Variants in CDH18 observed in about 807,000 individuals in gnomAD.
CDH18 encodes the protein cadherin-18.
CDH18 carries 31 observed loss-of-function variants against 67.9 expected under a neutral mutation model. That is an observed-to-expected ratio of 0.46 (90% CI 0.34 to 0.62). CDH18 has a LOEUF of 0.62. Ranked by LOEUF, CDH18 falls within the 20% of genes least tolerant of loss-of-function variation. The pLI is 0.01. For synonymous variants in CDH18, 362 were observed against 347.2 expected (o/e 1.04, Z -0.48); for missense variants, 890 against 975.5 (o/e 0.91, Z 1.17).
intron 1 of CDH18, among the ~76,000 whole-genome samples, chr5:20,336,566 CAA>C (rs1329508119): frequency 6.0e-5 from 9 of 151,040 alleles, no homozygotes; most frequent in African/African-American, 2.2e-4. Context: ...ACTAAAAATA[CAA>C]AAAAATTAGC....
intron 3 of CDH18, among the ~76,000 whole-genome samples, chr5:19,804,950 G>T (rs865898719): frequency 2.8e-5 from 3 of 106,892 alleles, no homozygotes; most frequent in South Asian, 2.7e-4. Flanking sequence ...TTATTATTAT[G>T]ATTTTTTTTT....
chr5:19,816,061 T>C (rs945721391), intron 3 of CDH18, among the ~76,000 whole-genome samples: 1 of 151,946 alleles, frequency 6.6e-6, no homozygotes, highest in Non-Finnish European at 1.5e-5. Context: ...GTCATTCTTT[T>C]GTTTATTCAG....
intron 2 of CDH18, among the ~76,000 whole-genome samples, chr5:20,014,893 C>A (rs1269636294): frequency 6.6e-6 from 1 of 152,048 alleles, no homozygotes; most frequent in Non-Finnish European, 1.5e-5. Flanking sequence ...AGATACTTGT[C>A]TAAATTCTGA....
At chr5:19,589,879 T>C (rs557127150) in intron 7 of CDH18, among the ~76,000 whole-genome samples, 1 of 152,222 alleles carries the variant, frequency 6.6e-6, no homozygotes, top group African/African-American at 2.4e-5. Context: ...TATATCTAAT[T>C]TACTCCTAGG....
intron 2 of CDH18, among the ~76,000 whole-genome samples, chr5:19,869,730 T>A (rs1382797300): frequency 6.6e-6 from 1 of 152,078 alleles, no homozygotes. Flanking sequence ...TATTAGACAA[T>A]GCTATATTTA....
intron 1 of CDH18, among the ~76,000 whole-genome samples, chr5:20,489,226 T>A (rs887847575): frequency 1.3e-5 from 2 of 151,954 alleles, no homozygotes; most frequent in African/African-American, 4.8e-5. Flanking sequence ...AGAAAACAGA[T>A]CTCTCCACTC....
At chr5:20,229,751 T>C (rs1186664599) in intron 2 of CDH18, among the ~76,000 whole-genome samples, 1 of 152,094 alleles carries the variant, frequency 6.6e-6, no homozygotes, top group Non-Finnish European at 1.5e-5. Flanking sequence ...TCTTTTTTCT[T>C]CCTTAGCTAT....
At chr5:19,770,743 A>C (rs1773642790) in intron 3 of CDH18, among the ~76,000 whole-genome samples, 1 of 152,194 alleles carries the variant, frequency 6.6e-6, no homozygotes, top group Admixed American at 6.5e-5. Context: ...TCTCTGGCTG[A>C]ATTTCAGAAT....
At chr5:19,896,461 C>T (rs1789349861) in intron 2 of CDH18, among the ~76,000 whole-genome samples, 1 of 152,098 alleles carries the variant, frequency 6.6e-6, no homozygotes, top group South Asian at 2.1e-4. Context: ...GCTAGGTACA[C>T]ACATAAAAGA....
At chr5:19,782,327 G>T (rs568295432) in intron 3 of CDH18, among the ~76,000 whole-genome samples, 1 of 152,078 alleles carries the variant, frequency 6.6e-6, no homozygotes, top group East Asian at 1.9e-4. Flanking sequence ...GAGCATGGGA[G>T]AAAACAGCCC....
At chr5:19,772,364 G>A (rs1261743726) in intron 3 of CDH18, among the ~76,000 whole-genome samples, 2 of 152,094 alleles carry the variant, frequency 1.3e-5, no homozygotes, top group Non-Finnish European at 2.9e-5. Context: ...AAGAGAAAAG[G>A]GGAGGCAGGA....
At chr5:19,501,491 G>A (rs150091275) in intron 11 of CDH18, among the ~76,000 whole-genome samples, 37 of 137,572 alleles carry the variant, frequency 2.7e-4, no homozygotes, top group Non-Finnish European at 5.5e-4. Flanking sequence ...CATGGTACGA[G>A]AGCAAACCTC....
intron 2 of CDH18, among the ~76,000 whole-genome samples, chr5:19,955,762 T>C (rs1258995163): frequency 6.6e-6 from 1 of 151,952 alleles, no homozygotes; most frequent in African/African-American, 2.4e-5. Context: ...AATAATAAGC[T>C]ACAAATAACT....
chr5:19,596,950 G>C (rs1453009022), intron 6 of CDH18, among the ~76,000 whole-genome samples: 1 of 152,190 alleles, frequency 6.6e-6, no homozygotes, highest in Non-Finnish European at 1.5e-5. Flanking sequence ...TGCTGATCAT[G>C]TCCTTGAGTA....
At chr5:20,391,426 A>C (rs1744851019) in intron 1 of CDH18, among the ~76,000 whole-genome samples, 1 of 152,086 alleles carries the variant, frequency 6.6e-6, no homozygotes, top group Admixed American at 6.6e-5. Flanking sequence ...GAATCAATAT[A>C]AATGAAATAT....
chr5:20,301,169 GTGTTTTTT>G (rs200114762), intron 1 of CDH18, among the ~76,000 whole-genome samples: 5,554 of 151,456 alleles, frequency 0.037, 265 homozygotes, highest in African/African-American at 0.11. Flanking sequence ...TGTATAGACA[GTGTTTTTT>G]TGTTTTTTTG....
intron 2 of CDH18, among the ~76,000 whole-genome samples, chr5:20,165,351 G>T (rs553992089): frequency 6.6e-6 from 1 of 151,988 alleles, no homozygotes; most frequent in Non-Finnish European, 1.5e-5. Context: ...TTTGAGGATA[G>T]AGAAATGATT....
intron 2 of CDH18, among the ~76,000 whole-genome samples, chr5:19,859,058 T>C (rs1784593762): frequency 6.6e-6 from 1 of 152,092 alleles, no homozygotes; most frequent in African/African-American, 2.4e-5. Flanking sequence ...GAAAAGTATA[T>C]ACCCAAAAAA....
At chr5:20,385,379 C>T (rs1273076750) in intron 1 of CDH18, among the ~76,000 whole-genome samples, 1 of 152,080 alleles carries the variant, frequency 6.6e-6, no homozygotes, top group Admixed American at 6.6e-5. Context: ...TAGTTCTGAG[C>T]TCCAGTCCCC....
Sources: gnomAD v4.1 joint callset for allele counts (sites outside exome capture counted in the v4.1 genomes callset) on GRCh38, gnomAD v4.1.1 for gene constraint, MANE v1.5 for transcripts, NCBI Gene and HGNC (gene_info 2026-07-23, HGNC 2026-07-21) for gene names.